Variants in DPP10 observed in about 807,000 individuals in gnomAD.
DPP10 encodes the protein inactive dipeptidyl peptidase 10.
In DPP10, 33 loss-of-function variants were observed where a neutral mutation model predicts 120.9. That is an observed-to-expected ratio of 0.27 (90% CI 0.21 to 0.37). The LOEUF (loss-of-function observed/expected upper bound fraction) is 0.37, where lower values mean the gene tolerates loss of function less well. Ranked by LOEUF, DPP10 falls within the 10% of genes least tolerant of loss-of-function variation. The pLI is 1.00. For missense variants in DPP10, 816 were observed against 942.8 expected (o/e 0.87, Z 1.76); for synonymous variants, 337 against 326.1 (o/e 1.03, Z -0.36).
intron 3 of DPP10, among the ~76,000 whole-genome samples, chr2:115,383,852 AGTT>A (rs1288551855): frequency 6.6e-6 from 1 of 152,208 alleles, no homozygotes; most frequent in Non-Finnish European, 1.5e-5. Flanking sequence ...ACAAAAAGTT[AGTT>A]GAGATTATTT....
intron 5 of DPP10, among the ~76,000 whole-genome samples, chr2:115,573,242 ACATACAGACTG>A (rs2081441998): frequency 6.6e-6 from 1 of 151,586 alleles, no homozygotes; most frequent in African/African-American, 2.4e-5. Context: ...GCCCTGCAGG[ACATACAGACTG>A]CATGAAGCCC....
intron 1 of DPP10, among the ~76,000 whole-genome samples, chr2:115,237,408 A>G (rs2058058214): frequency 1.3e-5 from 2 of 152,070 alleles, no homozygotes; most frequent in Admixed American, 6.6e-5. Flanking sequence ...TGCCCCATCT[A>G]TCTCCTTTTC....
chr2:114,966,643 G>T (rs1259174725), intron 1 of DPP10, among the ~76,000 whole-genome samples: 1 of 152,178 alleles, frequency 6.6e-6, no homozygotes, highest in Non-Finnish European at 1.5e-5. Context: ...AACACACATG[G>T]ACTAAGACAG....
chr2:115,738,926 G>T (rs1279358113), intron 8 of DPP10, among the ~76,000 whole-genome samples: 1 of 152,080 alleles, frequency 6.6e-6, no homozygotes. Flanking sequence ...GAGGTTAAGG[G>T]GTAGGAAAAC....
chr2:114,604,273 C>T (rs748195226), intron 1 of DPP10, among the ~76,000 whole-genome samples: 19 of 152,166 alleles, frequency 1.2e-4, no homozygotes, highest in South Asian at 8.3e-4. Context: ...CTCTTCAAAT[C>T]CCACTTTCCA....
intron 1 of DPP10, among the ~76,000 whole-genome samples, chr2:114,445,095 G>A (rs968605279): frequency 6.6e-6 from 1 of 152,106 alleles, no homozygotes; most frequent in African/African-American, 2.4e-5. Flanking sequence ...AGAGGGTTTT[G>A]GGAAGCTGTG....
chr2:114,620,982 A>G (rs1251844275), intron 1 of DPP10, among the ~76,000 whole-genome samples: 1 of 152,072 alleles, frequency 6.6e-6, no homozygotes, highest in African/African-American at 2.4e-5. Flanking sequence ...CTTATTTTTC[A>G]ATTTTAAGTC....
intron 3 of DPP10, among the ~76,000 whole-genome samples, chr2:115,493,719 T>A (rs2076246687): frequency 7.2e-5 from 11 of 152,050 alleles, no homozygotes; most frequent in Admixed American, 7.2e-4. Flanking sequence ...ATATTAAACA[T>A]GGGGGAAGAA....
Position 115,005,576 on chromosome 2 carries a change from G to C in DPP10, c.61-303663G>C, listed in dbSNP as rs1574680253. On this transcript the variant is annotated intron_variant, in intron 1 of 25. Transcript: ENST00000410059. Reference sequence around the variant, plus strand: ...CGAGAACTACGTGAAGAATGCAGAAGCCTCAGGAGCCGATGTGATCAACTG... The same window carrying C: ...CGAGAACTACGTGAAGAATGCAGAACCCTCAGGAGCCGATGTGATCAACTG... Among the ~76,000 whole-genome samples, 22 of 152,188 alleles carry C rather than the reference G, an allele frequency of 1.4e-4. No individual in the cohort carries two copies. In the South Asian group the frequency reaches 4.6e-3, roughly 32 times the overall value.
intron 1 of DPP10, among the ~76,000 whole-genome samples, chr2:115,243,773 A>AT (rs35758447): frequency 0.064 from 9,503 of 148,926 alleles, 947 homozygotes; most frequent in African/African-American, 0.21. Context: ...TTTTTAAACT[A>AT]TTTTTTTTTT....
intron 19 of DPP10, among the ~76,000 whole-genome samples, chr2:115,794,387 T>C (rs774247022): frequency 2.6e-5 from 4 of 152,180 alleles, no homozygotes; most frequent in Non-Finnish European, 2.9e-5. Flanking sequence ...TTCTGCTCAA[T>C]CTTCATTATG....
chr2:115,786,964 G>C (rs1383568423), intron 17 of DPP10, among the ~76,000 whole-genome samples: 1 of 152,190 alleles, frequency 6.6e-6, no homozygotes. Flanking sequence ...TCACAGAGTG[G>C]TGGGATTTGC....
intron 8 of DPP10, among the ~76,000 whole-genome samples, chr2:115,733,862 TG>T (rs1382180533): frequency 6.6e-6 from 1 of 152,154 alleles, no homozygotes; most frequent in East Asian, 1.9e-4. Context: ...ATAAAAACGA[TG>T]AAGAGCCAAA....
chr2:115,658,936 G>A (rs1179598002), intron 5 of DPP10, among the ~76,000 whole-genome samples: 1 of 152,014 alleles, frequency 6.6e-6, no homozygotes, highest in Non-Finnish European at 1.5e-5. Context: ...ATAGTTCTCT[G>A]GTTTGAAAGT....
chr2:115,109,561 G>T (rs1316282142), intron 1 of DPP10, among the ~76,000 whole-genome samples: 1 of 151,876 alleles, frequency 6.6e-6, no homozygotes, highest in African/African-American at 2.4e-5. Flanking sequence ...AAAATTCAAC[G>T]TTGTCAATAA....
At chr2:114,940,854 T>C (rs949771886) in intron 1 of DPP10, among the ~76,000 whole-genome samples, 4 of 152,344 alleles carry the variant, frequency 2.6e-5, no homozygotes, top group East Asian at 3.9e-4. Flanking sequence ...TTCTACTCTC[T>C]GGCCTCTTAA....
At chr2:114,514,331 T>C (rs533539308) in intron 1 of DPP10, among the ~76,000 whole-genome samples, 1 of 152,302 alleles carries the variant, frequency 6.6e-6, no homozygotes, top group East Asian at 1.9e-4. Context: ...AGAGCTTAAG[T>C]GATTAGAAGC....
chr2:115,328,870 CAA>C (rs1006265253), intron 2 of DPP10, among the ~76,000 whole-genome samples: 5 of 151,896 alleles, frequency 3.3e-5, no homozygotes, highest in Admixed American at 3.3e-4. Context: ...GTGATCTAAC[CAA>C]AGAGATACCT....
chr2:115,105,723 C>G (rs1185492632), intron 1 of DPP10, among the ~76,000 whole-genome samples: 1 of 152,116 alleles, frequency 6.6e-6, no homozygotes, highest in African/African-American at 2.4e-5. Flanking sequence ...GGCTCCAAGT[C>G]TATTAAGTTA....
Sources: allele counts gnomAD v4.1 joint callset (sites outside exome capture counted in the v4.1 genomes callset), GRCh38; gene constraint gnomAD v4.1.1; transcripts MANE v1.5; gene names NCBI Gene and HGNC (gene_info 2026-07-23, HGNC 2026-07-21).